Variants in IGFBPL1 observed in about 807,000 individuals in gnomAD.
IGFBPL1 encodes the protein insulin-like growth factor-binding protein-like 1.
Under a neutral mutation model 23.9 loss-of-function variants are expected in IGFBPL1, and 20 were observed. The ratio of observed to expected loss-of-function variants is 0.84; its 90% CI spans 0.59 to 1.22. The LOEUF is 1.22. IGFBPL1 is among the 50% of genes most tolerant of loss of function. The pLI is 0.00. For missense variants in IGFBPL1, 436 were observed against 379.3 expected, an observed-to-expected ratio of 1.15 and a Z score of -1.24; for synonymous variants, 184 against 171.8, an observed-to-expected ratio of 1.07 and a Z score of -0.56.
intron 1 of IGFBPL1, among the ~76,000 whole-genome samples, chr9:38,415,473 G>C (rs1821587080): frequency 6.6e-6 from 1 of 152,186 alleles, no homozygotes; most frequent in Non-Finnish European, 1.5e-5. Context: ...GGATCAGGGT[G>C]CAGAAAGGAG....
chr9:38,419,869 T>TCCC, intron 1 of IGFBPL1, among the ~76,000 whole-genome samples: 1 of 114,844 alleles, frequency 8.7e-6, no homozygotes, highest in African/African-American at 2.9e-5. Flanking sequence ...CTCCCCCTCC[T>TCCC]CCTCCTCCTC....
At chr9:38,423,246 T>G (rs1380010045) in intron 1 of IGFBPL1, among the ~76,000 whole-genome samples, 1 of 152,222 alleles carries the variant, frequency 6.6e-6, no homozygotes, top group Non-Finnish European at 1.5e-5. Context: ...AAGCTTAAGT[T>G]TCTAAGTCCC....
At chr9:38,411,341 A>G in intron 4 of IGFBPL1, 50 bp downstream of exon 4, 1 of 1,501,044 alleles carries the variant, frequency 6.7e-7, no homozygotes, top group Non-Finnish European at 9.1e-7. Flanking sequence ...GCCACCTCAA[A>G]TATCTCATAA....
At chr9:38,423,671 T>A (rs1821714238) in intron 1 of IGFBPL1, among the ~76,000 whole-genome samples, 1 of 152,082 alleles carries the variant, frequency 6.6e-6, no homozygotes, top group Non-Finnish European at 1.5e-5. Flanking sequence ...ACTCCCAGTC[T>A]CCTGCTGGGC....
In IGFBPL1 at chr9:38,409,218, C is replaced by G. The variant is rs1190532839; in HGVS notation, c.*10-1G>C. ...TCCCATGATCAATGTTTCTAAGACC[C>G]TAGGAAGAAAAGGAGAGAAAGAATT... On this transcript the variant is annotated splice_acceptor_variant, in intron 4 of 4. Coordinates refer to ENST00000377694, the MANE Select transcript of IGFBPL1 (RefSeq NM_001007563.3). LOFTEE classifies it low-confidence loss of function (3UTR_SPLICE). 3 of 152,030 alleles carry G rather than the reference C, an allele frequency of 2.0e-5. No homozygotes were observed. Among genetic ancestry groups the G allele is most frequent in the Non-Finnish European group, 2.9e-5 (2 of 68,014 alleles). 9.4% of individuals were successfully genotyped at this position (152,030 alleles called of 1,614,324 possible).
Position 38,423,817 on chromosome 9 carries a change from CGAGGA to C in IGFBPL1, c.460+143_460+147del, listed in dbSNP as rs1189507756. The C allele has an allele frequency of 9.9e-6, 8 of 804,136 alleles. No individual in the cohort carries two copies. In the African/African-American group the frequency reaches 1.1e-4, roughly 11 times the overall value. The allele number at this position is 804,136 out of a possible 1,614,324, so 49.8% of individuals were successfully genotyped here. A position where few individuals can be genotyped will look rare whatever the true frequency, so the allele number is the denominator to read the frequency against. ...ATTCTCGCCCCAGTCTCTCTGAGCACGAGGAGAGATATGAAATACTGCTCCCTAAG... is the reference window on the plus strand; with the variant it reads ...ATTCTCGCCCCAGTCTCTCTGAGCACGAGATATGAAATACTGCTCCCTAAG... On this transcript the variant is annotated intron_variant, in intron 1 of 4. Coordinates refer to ENST00000377694, the MANE Select transcript of IGFBPL1 (RefSeq NM_001007563.3).
At position 38,409,100 on chromosome 9, in the gene IGFBPL1, A is replaced by G. The variant is rs990335231; in HGVS notation, c.*127T>C. ...CTGCATACAGATCTAGTTTGCATCT[A>G]ATTTTTAAAAACACACAAAAGGGGT... On this transcript the variant is annotated 3_prime_UTR_variant, in exon 5 of 5. Coordinates refer to ENST00000377694, the MANE Select transcript of IGFBPL1 (RefSeq NM_001007563.3). The G allele has an allele frequency of 2.6e-4, 40 of 151,478 alleles. No individual in the cohort carries two copies. Among genetic ancestry groups the G allele is most frequent in the African/African-American group, 7.5e-4 (31 of 41,162 alleles). 9.4% of individuals were successfully genotyped at this position (151,478 alleles called of 1,614,324 possible).
In IGFBPL1 at chr9:38,408,167, A is replaced by G. The variant is rs925800744; in HGVS notation, c.*1060T>C. Among the ~76,000 whole-genome samples, 1 of 146,452 alleles carries G rather than the reference A, an allele frequency of 6.8e-6. No individual in the cohort carries two copies. The highest frequency in any genetic ancestry group is 7.1e-5 in the Admixed American group (1 of 14,132). On this transcript the variant is annotated 3_prime_UTR_variant, in exon 5 of 5. Coordinates refer to ENST00000377694, the MANE Select transcript of IGFBPL1 (RefSeq NM_001007563.3). ...AGTGGCTGATGCCTATAATCCCAGC[A>G]CTTTGGGAGGCCAAGGCAGGAGGAT...
Position 38,424,357 on chromosome 9 carries a change from G to A in IGFBPL1, c.68C>T (p.Ser23Phe). 2.5e-6 allele frequency: 2 copies of A among 797,236 alleles called. No homozygotes were observed. The highest frequency in any genetic ancestry group is 1.6e-5 in the South Asian group (1 of 61,302). 49.4% of individuals were successfully genotyped at this position (797,236 alleles called of 1,614,324 possible). ...LLLLPLLPPL[S>F]PSLGIRDVGG... ...CACGTCGCGGATCCCAAGGCTCGGGGACAGCGGCGGCAGCAGCGGCAGCAG... is the reference window on the plus strand; with the variant it reads ...CACGTCGCGGATCCCAAGGCTCGGGAACAGCGGCGGCAGCAGCGGCAGCAG... The change falls in exon 1 of 5, where the codon TCC becomes TTC. Residue 23 changes from serine to phenylalanine, a missense_variant. Coordinates refer to ENST00000377694, the MANE Select transcript of IGFBPL1 (RefSeq NM_001007563.3).
chr9:38,410,498 AAAT>A (rs35214018), intron 4 of IGFBPL1, among the ~76,000 whole-genome samples: 45,757 of 145,860 alleles, frequency 0.31, 7,050 homozygotes, highest in Non-Finnish European at 0.37. Context: ...AAAAAAAAAA[AAAT>A]GATTGGTCTG....
intron 3 of IGFBPL1, among the ~76,000 whole-genome samples, chr9:38,411,963 T>C (rs748262055): frequency 3.3e-5 from 5 of 152,232 alleles, no homozygotes; most frequent in Non-Finnish European, 7.3e-5. Context: ...CTCTTTTCCC[T>C]GTCTTTTCTC....
chr9:38,411,092 T>C (rs1325585472), intron 4 of IGFBPL1, among the ~76,000 whole-genome samples: 1 of 151,932 alleles, frequency 6.6e-6, no homozygotes, highest in South Asian at 2.1e-4. Flanking sequence ...GTGCTCTTTC[T>C]AGAAGAATAC....
chr9:38,423,412 T>C (rs957243251), intron 1 of IGFBPL1, among the ~76,000 whole-genome samples: 13 of 152,134 alleles, frequency 8.5e-5, no homozygotes, highest in African/African-American at 3.1e-4. Context: ...AAGGTCTTAC[T>C]TCTCCTGGAT....
intron 1 of IGFBPL1, among the ~76,000 whole-genome samples, chr9:38,417,564 CA>C (rs1233132722): frequency 9.2e-5 from 14 of 152,298 alleles, no homozygotes. Context: ...ATCCCCAAGA[CA>C]ACTCTCTGGT....
At chr9:38,419,866 TC>T (rs1563920720) in intron 1 of IGFBPL1, among the ~76,000 whole-genome samples, 18 of 60,184 alleles carry the variant, frequency 3.0e-4, no homozygotes, top group Admixed American at 3.4e-4. Context: ...CTCCTCCCCC[TC>T]CTCCTCCTCC....
At chr9:38,416,414 CA>C (rs200487403) in intron 1 of IGFBPL1, among the ~76,000 whole-genome samples, 1 of 152,004 alleles carries the variant, frequency 6.6e-6, no homozygotes, top group East Asian at 1.9e-4. Flanking sequence ...GATTTTGTGG[CA>C]AAAAATACAA....
In IGFBPL1 at chr9:38,407,163, G is replaced by A. The variant is rs970684845; in HGVS notation, c.*2064C>T. ...GGGAGGGGCTGAGTGAGGAGTGGAT[G>A]TGAGCAGGTCCCCTGGCAGCTCCAA... On this transcript the variant is annotated 3_prime_UTR_variant, in exon 5 of 5. Transcript: ENST00000377694. Among the ~76,000 whole-genome samples the A allele has an allele frequency of 1.3e-5, 2 of 152,218 alleles. No individual in the cohort carries two copies. The highest frequency in any genetic ancestry group is 6.5e-5 in the Admixed American group (1 of 15,280).
intron 1 of IGFBPL1, 132 bp downstream of exon 1, chr9:38,423,833 A>G: frequency 2.3e-6 from 2 of 885,006 alleles, no homozygotes; most frequent in Non-Finnish European, 3.0e-6. Context: ...GAGATATGAA[A>G]TACTGCTCCC....
rs1186519875 is a variant in IGFBPL1, at chr9:38,414,158, C to A, written c.506G>T (p.Gly169Val). ...TTCACAGGACAGGCCCACCTGCGCC[C>A]CGGTGACGTTGTGAACACTTCGGGG... ...VPPRSVHNVT[G>V]AQVGLSCEVR... The change falls in exon 2 of 5, where the codon GGG (glycine) becomes GTG (valine). Residue 169 changes from glycine (G) to valine (V), a missense_variant. Physicochemically the swap from Gly to Val is moderately radical, Grantham distance 109 (BLOSUM62 -3). Transcript: ENST00000377694. 1.9e-6 allele frequency: 3 copies of A among 1,612,032 alleles called. No individual in the cohort carries two copies. The South Asian group carries it at 3.3e-5, about 18-fold the overall frequency.
Sources: gnomAD v4.1 joint callset for allele counts (sites outside exome capture counted in the v4.1 genomes callset) on GRCh38, gnomAD v4.1.1 for gene constraint, MANE v1.5 for transcripts, NCBI Gene and HGNC (gene_info 2026-07-23, HGNC 2026-07-21) for gene names.